The following TTBK2 variants were observed in gnomAD, a reference collection of about 807,000 sequenced individuals.
TTBK2 encodes tau tubulin kinase 2, also known as tau-tubulin kinase 2.
Under a neutral mutation model 110.8 loss-of-function variants are expected in TTBK2, and 28 were observed. The ratio of observed to expected loss-of-function variants is 0.25; its 90% CI spans 0.19 to 0.35. The LOEUF (loss-of-function observed/expected upper bound fraction) is 0.35. Among genes scored for constraint, TTBK2 ranks in the 10% least tolerant of loss-of-function variants. TTBK2 has a pLI of 1.00. For synonymous variants in TTBK2, 532 were observed against 527.3 expected (o/e 1.01, Z -0.12); for missense variants, 1,369 against 1,500.3 (o/e 0.91, Z 1.45).
intron 13 of TTBK2, among the ~76,000 whole-genome samples, chr15:42,765,941 C>T (rs535887184): frequency 6.5e-4 from 99 of 152,266 alleles, no homozygotes; most frequent in African/African-American, 2.3e-3. Flanking sequence ...CCCTACAAGC[C>T]AGAAGAGAGT....
intron 3 of TTBK2, chr15:42,855,227 T>A (rs151087093): frequency 6.6e-6 from 1 of 152,084 alleles, no homozygotes; most frequent in Non-Finnish European, 1.5e-5. Context: ...TTAAGTATCA[T>A]AACACAAGTT....
In TTBK2 at chr15:42,876,642, T is replaced by C. The variant is rs139014300; in HGVS notation, c.69+1907A>G. ...GGGTCTTCTTTTTCCAATCTGTTCA[T>C]AGATTAAGGAAACCATTAAAATAGC... On this transcript the variant is annotated intron_variant, in intron 2 of 14. Transcript: ENST00000267890. 8.4e-3 allele frequency among the ~76,000 whole-genome samples: 1,286 copies of C among 152,272 alleles called. 15 individuals carry two copies. The highest frequency in any genetic ancestry group is 0.029 in the African/African-American group (1,219 of 41,554).
At chr15:42,789,827 T>G (rs1445108162) in intron 10 of TTBK2, among the ~76,000 whole-genome samples, 1 of 144,008 alleles carries the variant, frequency 6.9e-6, no homozygotes, top group Non-Finnish European at 1.5e-5. Context: ...CCATTGTGTG[T>G]GCATATATAT....
At chr15:42,818,863 C>A (rs183299554) in intron 6 of TTBK2, among the ~76,000 whole-genome samples, 1 of 134,228 alleles carries the variant, frequency 7.5e-6, no homozygotes, top group Non-Finnish European at 1.6e-5. Flanking sequence ...TCTCGGCTTG[C>A]GGTGAGCCAA....
chr15:42,860,615 T>C (rs2141079373), intron 3 of TTBK2, among the ~76,000 whole-genome samples: 1 of 150,184 alleles, frequency 6.7e-6, no homozygotes, highest in East Asian at 2.0e-4. Flanking sequence ...CCACAAAAAA[T>C]TAAACCTTAG....
At chr15:42,906,662 G>C (rs935670877) in intron 1 of TTBK2, among the ~76,000 whole-genome samples, 1 of 151,934 alleles carries the variant, frequency 6.6e-6, no homozygotes, top group Non-Finnish European at 1.5e-5. Flanking sequence ...AGGCAACCAA[G>C]GCAAAAATAG....
intron 4 of TTBK2, among the ~76,000 whole-genome samples, chr15:42,838,448 T>C (rs8028785): frequency 0.24 from 36,182 of 151,704 alleles, 5,189 homozygotes; most frequent in African/African-American, 0.39. Flanking sequence ...CTCCCCACTA[T>C]AGCCATTATT....
chr15:42,899,827 A>G (rs1404583041), intron 1 of TTBK2, among the ~76,000 whole-genome samples: 4 of 151,114 alleles, frequency 2.6e-5, no homozygotes, highest in Admixed American at 2.0e-4. Flanking sequence ...GCTTGAATCC[A>G]GGAGGCGGAG....
At chr15:42,873,823 C>T (rs1894706697) in intron 2 of TTBK2, among the ~76,000 whole-genome samples, 1 of 152,084 alleles carries the variant, frequency 6.6e-6, no homozygotes, top group Admixed American at 6.5e-5. Flanking sequence ...GTCTCCTTAT[C>T]ACATTATCCA....
intron 1 of TTBK2, among the ~76,000 whole-genome samples, chr15:42,888,821 G>A (rs193257014): frequency 6.6e-6 from 1 of 152,034 alleles, no homozygotes; most frequent in African/African-American, 2.4e-5. Context: ...CATCGCTCAG[G>A]GCAACACTTA....
intron 1 of TTBK2, among the ~76,000 whole-genome samples, chr15:42,913,131 CAAAAAAAAAAAA>C (rs61404472): frequency 6.5e-5 from 2 of 30,908 alleles, no homozygotes; most frequent in African/African-American, 2.3e-4. Context: ...GACTCCGTCT[CAAAAAAAAAAAA>C]AAAAAAAAAA....
chr15:42,773,147 A>G (rs1889749923), intron 13 of TTBK2, among the ~76,000 whole-genome samples: 1 of 152,154 alleles, frequency 6.6e-6, no homozygotes, highest in African/African-American at 2.4e-5. Flanking sequence ...AGGTTACAGT[A>G]AGGTATGATC....
intron 13 of TTBK2, among the ~76,000 whole-genome samples, chr15:42,774,173 G>A (rs1434915539): frequency 6.6e-6 from 1 of 152,072 alleles, no homozygotes. Flanking sequence ...GTGGAATTGT[G>A]TTCTAATAGA....
intron 3 of TTBK2, among the ~76,000 whole-genome samples, chr15:42,870,611 C>A (rs991640258): frequency 2.0e-5 from 3 of 151,730 alleles, no homozygotes; most frequent in African/African-American, 7.3e-5. Flanking sequence ...GTCTGTAATC[C>A]CAGTACTTTG....
chr15:42,890,449 T>A (rs1384215486), intron 1 of TTBK2, among the ~76,000 whole-genome samples: 1 of 152,190 alleles, frequency 6.6e-6, no homozygotes, highest in Admixed American at 6.5e-5. Flanking sequence ...GCCCTATGTA[T>A]CTCTTCACCT....
intron 13 of TTBK2, 70 bp from the exon 14 acceptor site, chr15:42,753,317 T>C: frequency 2.1e-6 from 3 of 1,450,978 alleles, no homozygotes; most frequent in Non-Finnish European, 2.8e-6. Flanking sequence ...GCTTTGAGAT[T>C]TAACATCTCC....
intron 1 of TTBK2, among the ~76,000 whole-genome samples, chr15:42,902,822 C>G (rs112286686): frequency 1.3e-5 from 2 of 151,942 alleles, no homozygotes; most frequent in Non-Finnish European, 2.9e-5. Context: ...GCAAAACTGT[C>G]TCTACAAAAT....
At chr15:42,899,159 AT>A (rs958426801) in intron 1 of TTBK2, among the ~76,000 whole-genome samples, 2 of 149,950 alleles carry the variant, frequency 1.3e-5, no homozygotes, top group African/African-American at 4.9e-5. Context: ...TGCCTGGCTA[AT>A]TTTTTTCATA....
At chr15:42,857,205 C>T (rs779744821) in intron 3 of TTBK2, among the ~76,000 whole-genome samples, 5 of 151,948 alleles carry the variant, frequency 3.3e-5, no homozygotes, top group Non-Finnish European at 7.4e-5. Context: ...TTGTGTAAAC[C>T]TAAAACAGTT....
Sources: gnomAD v4.1 joint callset for allele counts (sites outside exome capture counted in the v4.1 genomes callset) on GRCh38, gnomAD v4.1.1 for gene constraint, MANE v1.5 for transcripts, NCBI Gene and HGNC (gene_info 2026-07-23, HGNC 2026-07-21) for gene names.